The following OSBPL9 variants were observed in gnomAD, a reference collection of about 807,000 sequenced individuals.
OSBPL9 encodes the protein oxysterol-binding protein-related protein 9.
OSBPL9 carries 40 observed loss-of-function variants against 106.6 expected under a neutral mutation model. The ratio of observed to expected loss-of-function variants is 0.38; its 90% CI spans 0.29 to 0.49. OSBPL9 has a LOEUF of 0.49. OSBPL9 is among the 20% of genes least tolerant of loss of function. The pLI, the probability that OSBPL9 is intolerant of heterozygous loss-of-function variation, is 0.97. For missense variants in OSBPL9, 609 were observed against 887.2 expected (o/e 0.69, Z 3.98); for synonymous variants, 269 against 295.4 (o/e 0.91, Z 0.92).
chr1:51,731,393 G>T (rs1664363961), intron 4 of OSBPL9, among the ~76,000 whole-genome samples: 1 of 152,162 alleles, frequency 6.6e-6, no homozygotes, highest in African/African-American at 2.4e-5. Context: ...TGAGGTTGCG[G>T]TGAGCTATGA....
chr1:51,722,719 T>C (rs2148915634), intron 4 of OSBPL9, among the ~76,000 whole-genome samples: 1 of 152,340 alleles, frequency 6.6e-6, no homozygotes, highest in African/African-American at 2.4e-5. Flanking sequence ...TTTGGAGCAA[T>C]GGTGGCCTTG....
intron 14 of OSBPL9, among the ~76,000 whole-genome samples, chr1:51,775,367 T>C (rs1192236508): frequency 6.6e-6 from 1 of 152,026 alleles, no homozygotes; most frequent in Non-Finnish European, 1.5e-5. Flanking sequence ...TCTCCATGTC[T>C]TGTTCTTTTA....
chr1:51,687,630 G>A (rs1415256323), intron 3 of OSBPL9, among the ~76,000 whole-genome samples: 6 of 152,176 alleles, frequency 3.9e-5, no homozygotes, highest in South Asian at 4.1e-4. Context: ...AAAGGGAACC[G>A]TGTATGCACA....
intron 2 of OSBPL9, among the ~76,000 whole-genome samples, chr1:51,611,779 A>G (rs1557584170): frequency 6.6e-6 from 1 of 152,166 alleles, no homozygotes; most frequent in Non-Finnish European, 1.5e-5. Context: ...GTTTGAGACC[A>G]GCCTGGCCAA....
intron 1 of OSBPL9, among the ~76,000 whole-genome samples, chr1:51,637,320 GTC>G (rs932031164): frequency 2.6e-5 from 4 of 152,030 alleles, no homozygotes; most frequent in African/African-American, 4.8e-5. Flanking sequence ...GTGAATCACC[GTC>G]TCTACTAAAA....
Position 51,784,259 on chromosome 1 carries a change from C to T in OSBPL9, c.1625-5C>T. ...CATCAGAGATTCTGTCCCTTCTCTC[C>T]ACAGGCTGTGTCTCATGTCTAGACT... On this transcript the variant is annotated splice_region_variant and splice_polypyrimidine_tract_variant and intron_variant, in intron 18 of 23. Transcript: ENST00000428468. The T allele has an allele frequency of 1.2e-6, 2 of 1,613,568 alleles. No homozygotes were observed. Among genetic ancestry groups the T allele is most frequent in the Non-Finnish European group, 1.7e-6 (2 of 1,179,512 alleles).
intron 1 of OSBPL9, among the ~76,000 whole-genome samples, chr1:51,627,827 CT>C (rs928613402): frequency 1.3e-5 from 2 of 152,064 alleles, no homozygotes; most frequent in Non-Finnish European, 2.9e-5. Context: ...CGACAGCACT[CT>C]TTTTTACCTC....
At chr1:51,655,284 G>A (rs185432933) in intron 2 of OSBPL9, among the ~76,000 whole-genome samples, 66 of 152,248 alleles carry the variant, frequency 4.3e-4, no homozygotes, top group African/African-American at 1.6e-3. Context: ...TCAATTCCTT[G>A]TGATTGTAGA....
the OSBPL9 span, among the ~76,000 whole-genome samples, chr1:51,542,188 A>G: frequency 6.6e-6 from 1 of 152,174 alleles, no homozygotes. Context: ...TGCACCTGGC[A>G]TATACAGCCT....
At chr1:51,731,056 CTT>C (rs751207090) in intron 4 of OSBPL9, among the ~76,000 whole-genome samples, 2 of 145,774 alleles carry the variant, frequency 1.4e-5, no homozygotes, top group Non-Finnish European at 3.0e-5. Flanking sequence ...TCCCCCCCAC[CTT>C]TTTTTTTTTG....
intron 3 of OSBPL9, among the ~76,000 whole-genome samples, chr1:51,711,762 C>T (rs1293940232): frequency 1.3e-5 from 2 of 150,430 alleles, no homozygotes; most frequent in Non-Finnish European, 3.0e-5. Context: ...AGGCGCTCCT[C>T]ACATCCCAGA....
chr1:51,582,527 A>G (rs1422883426), intron 1 of OSBPL9, among the ~76,000 whole-genome samples: 2 of 152,004 alleles, frequency 1.3e-5, no homozygotes, highest in Non-Finnish European at 2.9e-5. Flanking sequence ...ACGGGGTTTC[A>G]CCATGTTGGC....
chr1:51,570,569 A>G, the OSBPL9 span, among the ~76,000 whole-genome samples: 26 of 152,322 alleles, frequency 1.7e-4, no homozygotes, highest in African/African-American at 4.8e-4. Context: ...CAGAGTCACA[A>G]ATGAAATCAT....
At chr1:51,723,768 T>G (rs1662588414) in intron 4 of OSBPL9, among the ~76,000 whole-genome samples, 1 of 152,230 alleles carries the variant, frequency 6.6e-6, no homozygotes, top group Non-Finnish European at 1.5e-5. Flanking sequence ...AAGAATATCT[T>G]GGTTGCTTCT....
chr1:51,576,500 C>T (rs1378831070), upstream of OSBPL9, among the ~76,000 whole-genome samples: 1 of 152,030 alleles, frequency 6.6e-6, no homozygotes, highest in African/African-American at 2.4e-5. Flanking sequence ...GTTGTTTTTG[C>T]TTTCTGTTTT....
the OSBPL9 span, among the ~76,000 whole-genome samples, chr1:51,542,346 A>T: frequency 2.0e-5 from 3 of 152,246 alleles, no homozygotes; most frequent in African/African-American, 7.2e-5. Flanking sequence ...AGTAAGAGTC[A>T]TCATTACATC....
intron 3 of OSBPL9, among the ~76,000 whole-genome samples, chr1:51,670,355 C>T (rs1458586684): frequency 2.0e-5 from 3 of 152,166 alleles, no homozygotes; most frequent in African/African-American, 7.2e-5. Flanking sequence ...CACTTTCTCT[C>T]AACTACAAGT....
intron 3 of OSBPL9, among the ~76,000 whole-genome samples, chr1:51,706,769 A>G (rs1658641917): frequency 6.6e-6 from 1 of 151,696 alleles, no homozygotes; most frequent in African/African-American, 2.4e-5. Context: ...TCCATATATC[A>G]TATTTTCATT....
chr1:51,555,967 A>G, the OSBPL9 span, among the ~76,000 whole-genome samples: 1 of 152,244 alleles, frequency 6.6e-6, no homozygotes, highest in Non-Finnish European at 1.5e-5. Context: ...AATGAAATCC[A>G]TCATATGTAA....
Sources: gnomAD v4.1 joint callset for allele counts (sites outside exome capture counted in the v4.1 genomes callset) on GRCh38, gnomAD v4.1.1 for gene constraint, MANE v1.5 for transcripts, NCBI Gene and HGNC (gene_info 2026-07-23, HGNC 2026-07-21) for gene names.